Variants in RPAP2 observed in about 807,000 individuals in gnomAD.
RPAP2 encodes the protein putative RNA polymerase II subunit B1 CTD phosphatase RPAP2.
In RPAP2, 52 loss-of-function variants were observed where a neutral mutation model predicts 73.1. The observed-to-expected ratio is 0.71, with a 90% CI of 0.57 to 0.90. The LOEUF (loss-of-function observed/expected upper bound fraction) is 0.90, where lower values mean the gene tolerates loss of function less well. Among genes scored for constraint, RPAP2 ranks in the 40% least tolerant of loss-of-function variants. The pLI, the probability that RPAP2 is intolerant of heterozygous loss-of-function variation, is 0.00. For synonymous variants in RPAP2, 225 were observed against 242.1 expected, an observed-to-expected ratio of 0.93 and a Z score of 0.65; for missense variants, 598 against 701.8, an observed-to-expected ratio of 0.85 and a Z score of 1.67.
chr1:92,330,862 G>A (rs769012691), intron 8 of RPAP2, among the ~76,000 whole-genome samples: 2 of 152,162 alleles, frequency 1.3e-5, no homozygotes, highest in Admixed American at 6.5e-5. Flanking sequence ...AACCAGCAGC[G>A]TCAACATCAT....
chr1:92,307,918 A>G (rs917584101), intron 6 of RPAP2, among the ~76,000 whole-genome samples: 1 of 152,200 alleles, frequency 6.6e-6, no homozygotes, highest in South Asian at 2.1e-4. Flanking sequence ...AGAAATTCCA[A>G]TGAAATGCTT....
At chr1:92,348,790 A>G (rs985233490) in intron 11 of RPAP2, among the ~76,000 whole-genome samples, 1 of 152,220 alleles carries the variant, frequency 6.6e-6, no homozygotes, top group Non-Finnish European at 1.5e-5. Context: ...ACTTCTATAA[A>G]GTATAATTAT....
chr1:92,373,779 G>A (rs1655273244), intron 11 of RPAP2, among the ~76,000 whole-genome samples: 1 of 140,246 alleles, frequency 7.1e-6, no homozygotes. Context: ...AAGTAGCCAG[G>A]CGTGGTGGTG....
At chr1:92,328,316 A>G (rs1386339697) in intron 8 of RPAP2, among the ~76,000 whole-genome samples, 1 of 152,202 alleles carries the variant, frequency 6.6e-6, no homozygotes, top group African/African-American at 2.4e-5. Context: ...TTTGTTTGAC[A>G]TAATCCCAAA....
At chr1:92,372,326 T>C (rs148666851) in intron 11 of RPAP2, among the ~76,000 whole-genome samples, 4 of 152,310 alleles carry the variant, frequency 2.6e-5, no homozygotes, top group African/African-American at 9.6e-5. Context: ...ACAGTTTCCT[T>C]TGTAGTTCTG....
chr1:92,357,424 A>AG (rs1246888355), intron 11 of RPAP2, among the ~76,000 whole-genome samples: 1 of 152,264 alleles, frequency 6.6e-6, no homozygotes, highest in East Asian at 1.9e-4. Flanking sequence ...AAAGACAGAA[A>AG]GGATTTCAAG....
At chr1:92,299,801 A>G (rs1219107255) in intron 1 of RPAP2, among the ~76,000 whole-genome samples, 1 of 152,220 alleles carries the variant, frequency 6.6e-6, no homozygotes, top group Non-Finnish European at 1.5e-5. Flanking sequence ...GGTGGTCTAC[A>G]GTTTGTTATT....
intron 11 of RPAP2, among the ~76,000 whole-genome samples, chr1:92,377,277 T>A (rs979958014): frequency 6.6e-6 from 1 of 151,878 alleles, no homozygotes; most frequent in African/African-American, 2.4e-5. Flanking sequence ...TCTCAGCATT[T>A]TGGGAGGCCG....
chr1:92,384,393 G>C (rs926629473), intron 12 of RPAP2, among the ~76,000 whole-genome samples: 1 of 151,592 alleles, frequency 6.6e-6, no homozygotes, highest in Non-Finnish European at 1.5e-5. Flanking sequence ...GGAGGCTGAG[G>C]CAGGAGGATC....
In RPAP2 at chr1:92,389,941, G is replaced by T. The variant is rs575051574; in HGVS notation, c.*2930G>T. On this transcript the variant is annotated 3_prime_UTR_variant, in exon 13 of 13. Transcript: ENST00000610020. Reference sequence around the variant, plus strand: ...TGATTGGTGTACCTGAAAGTGATGGGGAGAACAGAACCAAGTTTGAAAACA... The same window carrying T: ...TGATTGGTGTACCTGAAAGTGATGGTGAGAACAGAACCAAGTTTGAAAACA... 1 of 152,086 alleles carries T rather than the reference G, an allele frequency of 6.6e-6. No individual in the cohort carries two copies. The highest frequency in any genetic ancestry group is 6.6e-5 in the Admixed American group (1 of 15,264). The allele number at this position is 152,086 out of a possible 1,614,324, so 9.4% of individuals were successfully genotyped here.
chr1:92,375,788 G>C (rs1022955077), intron 11 of RPAP2, among the ~76,000 whole-genome samples: 4 of 152,018 alleles, frequency 2.6e-5, no homozygotes, highest in African/African-American at 9.7e-5. Context: ...CCAAGATAGA[G>C]CCACTGCACC....
At position 92,392,281 on chromosome 1, in the gene RPAP2, A is replaced by G. The variant is rs1231617719; in HGVS notation, c.*5270A>G. 1.3e-5 allele frequency: 2 copies of G among 152,196 alleles called. No homozygotes were observed. Among genetic ancestry groups the G allele is most frequent in the Non-Finnish European group, 1.5e-5 (1 of 68,042 alleles). The allele number at this position is 152,196 out of a possible 1,614,324, so 9.4% of individuals were successfully genotyped here. A position where few individuals can be genotyped will look rare whatever the true frequency, so the allele number is the denominator to read the frequency against. The stretch of plus-strand genomic sequence containing the variant: ...CACATAAACAGAACCAACGGCAAAA[A>G]CCACATGATTATCTCAATAGATACA... On this transcript the variant is annotated 3_prime_UTR_variant, in exon 13 of 13. Coordinates refer to ENST00000610020, the MANE Select transcript of RPAP2 (RefSeq NM_024813.3).
intron 5 of RPAP2, among the ~76,000 whole-genome samples, chr1:92,305,562 CT>C (rs2101110620): frequency 6.8e-6 from 1 of 146,960 alleles, no homozygotes; most frequent in Non-Finnish European, 1.5e-5. Context: ...AAATGTAAAA[CT>C]TTTGTTCATC....
Position 92,303,533 on chromosome 1 carries a change from C to A in RPAP2, c.235-444C>A, listed in dbSNP as rs564049161. On this transcript the variant is annotated intron_variant, in intron 3 of 12. Coordinates refer to ENST00000610020, the MANE Select transcript of RPAP2 (RefSeq NM_024813.3). ...ACTGTGTTCTGCAGTAACAATGACA[C>A]TTTTGAAATACTTTGTTTTTAAAGA... Among the ~76,000 whole-genome samples the A allele has an allele frequency of 8.5e-5, 13 of 152,176 alleles. No homozygotes were observed. The South Asian group carries it at 2.3e-3, about 27-fold the overall frequency.
chr1:92,350,727 G>A (rs1315981231), intron 11 of RPAP2, among the ~76,000 whole-genome samples: 2 of 152,124 alleles, frequency 1.3e-5, no homozygotes, highest in African/African-American at 4.8e-5. Context: ...ATCAGTTGAA[G>A]TCAGGACCAG....
rs1654209605 is a variant in RPAP2 at position 92,351,384 on chromosome 1, TATC to T, written c.1688+5473_1688+5475del. Among the ~76,000 whole-genome samples, 3 of 151,688 alleles carry T rather than the reference TATC, an allele frequency of 2.0e-5. No homozygotes were observed. The South Asian group carries it at 6.3e-4, about 32-fold the overall frequency. On this transcript the variant is annotated intron_variant, in intron 11 of 12. Transcript: ENST00000610020. ...TATTTTTTGATGTGGTATCAAAGTATATCATATTTGTTTTTATATTCCTCATAA... is the reference window on the plus strand; with the variant it reads ...TATTTTTTGATGTGGTATCAAAGTATATATTTGTTTTTATATTCCTCATAA...
intron 11 of RPAP2, among the ~76,000 whole-genome samples, chr1:92,357,835 G>C (rs1654554397): frequency 6.6e-6 from 1 of 152,196 alleles, no homozygotes; most frequent in South Asian, 2.1e-4. Context: ...CCCTGCCCCT[G>C]AGATAAATTC....
intron 5 of RPAP2, 46 bp downstream of exon 5, chr1:92,304,395 C>A (rs759716001): frequency 2.8e-6 from 3 of 1,063,866 alleles, no homozygotes; most frequent in Non-Finnish European, 4.2e-6. Context: ...TTTTTCTTTA[C>A]TAACCACTAT....
rs1281223558 is a variant in RPAP2, at chr1:92,392,501, T to G, written c.*5490T>G. On this transcript the variant is annotated 3_prime_UTR_variant, in exon 13 of 13. Transcript: ENST00000610020. The stretch of plus-strand genomic sequence containing the variant: ...AGGCAAGGATGCCCTCTCTCACCAC[T>G]CCTATTCAACATAGTATTGGAAGTT... 6.6e-6 allele frequency: 1 copy of G among 152,128 alleles called. No individual in the cohort carries two copies. The highest frequency in any genetic ancestry group is 1.5e-5 in the Non-Finnish European group (1 of 68,018). 9.4% of individuals were successfully genotyped at this position (152,128 alleles called of 1,614,324 possible). A position where few individuals can be genotyped will look rare whatever the true frequency, so the allele number is the denominator to read the frequency against.
Sources: allele counts gnomAD v4.1 joint callset (sites outside exome capture counted in the v4.1 genomes callset), GRCh38; gene constraint gnomAD v4.1.1; transcripts MANE v1.5; gene names NCBI Gene and HGNC (gene_info 2026-07-23, HGNC 2026-07-21).